The following PSPC1 variants were observed in gnomAD, a reference collection of about 807,000 sequenced individuals.
PSPC1 encodes paraspeckle protein 1.
A neutral mutation model predicts 51.6 loss-of-function variants in PSPC1; 14 were observed. That is an observed-to-expected ratio of 0.27 (90% CI 0.18 to 0.42). The LOEUF (loss-of-function observed/expected upper bound fraction) is 0.42. Among genes scored for constraint, PSPC1 ranks in the 10% least tolerant of loss-of-function variants. The pLI is 1.00. For missense variants in PSPC1, 406 were observed against 701.1 expected (o/e 0.58, Z 4.75); for synonymous variants, 193 against 231.9 (o/e 0.83, Z 1.53).
At chr13:19,706,683 ATT>A (rs1269501980) in intron 7 of PSPC1, among the ~76,000 whole-genome samples, 1 of 151,626 alleles carries the variant, frequency 6.6e-6, no homozygotes, top group Non-Finnish European at 1.5e-5. Flanking sequence ...TCTTTGAAAA[ATT>A]TTTTCCCTTT....
downstream of PSPC1, among the ~76,000 whole-genome samples, chr13:19,698,240 A>G (rs1413099914): frequency 6.6e-6 from 1 of 152,010 alleles, no homozygotes; most frequent in East Asian, 1.9e-4. Context: ...AAAAATGTGA[A>G]GCTGTCTTGG....
chr13:19,714,333 G>A (rs1053554187), intron 6 of PSPC1, among the ~76,000 whole-genome samples: 1 of 152,104 alleles, frequency 6.6e-6, no homozygotes, highest in African/African-American at 2.4e-5. Context: ...TCAATATGAA[G>A]ACATGTAACT....
At chr13:19,738,777 C>G (rs530258126) in intron 5 of PSPC1, among the ~76,000 whole-genome samples, 3 of 151,842 alleles carry the variant, frequency 2.0e-5, no homozygotes, top group African/African-American at 7.3e-5. Flanking sequence ...CATGGTGGCA[C>G]GCGTCTATAG....
chr13:19,742,839 C>A (rs1007838679), intron 4 of PSPC1, among the ~76,000 whole-genome samples: 3 of 152,138 alleles, frequency 2.0e-5, no homozygotes, highest in African/African-American at 7.2e-5. Context: ...CCAGACCAAA[C>A]AGGAATCATG....
chr13:19,698,571 C>T (rs1879520596), downstream of PSPC1, among the ~76,000 whole-genome samples: 1 of 151,788 alleles, frequency 6.6e-6, no homozygotes, highest in Admixed American at 6.6e-5. Flanking sequence ...AATTTTGAGA[C>T]TGAACTACCT....
chr13:19,713,164 C>T (rs963741166), intron 6 of PSPC1, among the ~76,000 whole-genome samples: 13 of 152,118 alleles, frequency 8.5e-5, no homozygotes, highest in Non-Finnish European at 1.8e-4. Context: ...TAAGTTAGAA[C>T]CAGTGCGTAT....
chr13:19,683,420 T>C (rs1034564349), intron 6 of PSPC1, among the ~76,000 whole-genome samples: 2 of 151,984 alleles, frequency 1.3e-5, no homozygotes, highest in Non-Finnish European at 2.9e-5. Context: ...GAAAAAAGAG[T>C]ACATATTGTA....
At chr13:19,724,414 GAACA>G (rs1325355544) in intron 6 of PSPC1, among the ~76,000 whole-genome samples, 4 of 152,084 alleles carry the variant, frequency 2.6e-5, no homozygotes, top group South Asian at 2.1e-4. Context: ...GATGATAGAT[GAACA>G]AACAAAGAAA....
intron 1 of PSPC1, among the ~76,000 whole-genome samples, chr13:19,781,633 TAC>T (rs1270673013): frequency 6.6e-6 from 1 of 152,090 alleles, no homozygotes; most frequent in African/African-American, 2.4e-5. Context: ...GTTACTTGAG[TAC>T]AGAGTTTGGG....
chr13:19,772,238 T>G lies in PSPC1; in HGVS notation c.674+4A>C. 1 of 1,611,024 alleles carries G rather than the reference T, an allele frequency of 6.2e-7. No individual in the cohort carries two copies. Among genetic ancestry groups the G allele is most frequent in the Non-Finnish European group, 8.5e-7 (1 of 1,178,368 alleles). On this transcript the variant is annotated splice_donor_region_variant and intron_variant, in intron 2 of 8. Transcript: ENST00000338910. ...AGAAGAAGGACAAGATATTTAAAAC[T>G]TACGTTGTTAGCAAGAATGCCCCAT...
chr13:19,762,524 C>T lies in PSPC1; in HGVS notation c.675-3106G>A, dbSNP rs115529119. Among the ~76,000 whole-genome samples, 1,239 of 152,192 alleles carry T rather than the reference C, an allele frequency of 8.1e-3. 17 individuals are homozygous for T. The highest frequency in any genetic ancestry group is 0.029 in the African/African-American group (1,190 of 41,552). ...GCAGTGAGCCGAGATCGTGCCATTG[C>T]ACTCCAGCCAGGATGATACAACGAG... On this transcript the variant is annotated intron_variant, in intron 2 of 8. Transcript: ENST00000338910.
chr13:19,740,139 T>C (rs1593674726), intron 5 of PSPC1, among the ~76,000 whole-genome samples: 1 of 151,866 alleles, frequency 6.6e-6, no homozygotes, highest in African/African-American at 2.4e-5. Context: ...AGGTCCGGAG[T>C]TCGAGACCAG....
chr13:19,688,299 A>C (rs1412457051), intron 6 of PSPC1, among the ~76,000 whole-genome samples: 1 of 152,168 alleles, frequency 6.6e-6, no homozygotes, highest in Non-Finnish European at 1.5e-5. Flanking sequence ...CTGTACACAT[A>C]GCAGGTGATT....
chr13:19,759,266 A>AATGTAATGAACACCCTTAATAGTAC (rs2138196568), intron 3 of PSPC1, 57 bp downstream of exon 3: 1 of 1,350,714 alleles, frequency 7.4e-7, no homozygotes, highest in African/African-American at 1.4e-5. Flanking sequence ...TTTGAAAACA[A>AATGTAATGAACACCCTTAATAGTAC]ATGTAATGAA....
chr13:19,736,175 C>A (rs942515791), intron 5 of PSPC1, among the ~76,000 whole-genome samples: 2 of 151,944 alleles, frequency 1.3e-5, no homozygotes, highest in Non-Finnish European at 2.9e-5. Context: ...AAGATTCTTA[C>A]AGCTAATTTC....
At chr13:19,713,225 TAA>T (rs1390657114) in intron 6 of PSPC1, among the ~76,000 whole-genome samples, 1 of 152,150 alleles carries the variant, frequency 6.6e-6, no homozygotes, top group Non-Finnish European at 1.5e-5. Context: ...TACAAAAAAT[TAA>T]GAGTTGTTGT....
At chr13:19,749,545 C>A (rs1156495163) in intron 4 of PSPC1, among the ~76,000 whole-genome samples, 2 of 148,908 alleles carry the variant, frequency 1.3e-5, no homozygotes, top group Non-Finnish European at 3.0e-5. Flanking sequence ...AAAAAAAAAT[C>A]TCTCTTCCAG....
intron 5 of PSPC1, among the ~76,000 whole-genome samples, chr13:19,734,177 A>G (rs1884483932): frequency 6.6e-6 from 1 of 152,174 alleles, no homozygotes; most frequent in African/African-American, 2.4e-5. Flanking sequence ...GACCACCTTT[A>G]TAATTATACA....
intron 6 of PSPC1, among the ~76,000 whole-genome samples, chr13:19,692,228 A>T (rs1878656623): frequency 6.6e-6 from 1 of 152,062 alleles, no homozygotes; most frequent in Non-Finnish European, 1.5e-5. Flanking sequence ...GGTTCAAGCG[A>T]TTCTCCTGCC....
Sources: allele counts gnomAD v4.1 joint callset (sites outside exome capture counted in the v4.1 genomes callset), GRCh38; gene constraint gnomAD v4.1.1; transcripts MANE v1.5; gene names NCBI Gene and HGNC (gene_info 2026-07-23, HGNC 2026-07-21).